TBXAS1: variants seen among roughly 807,000 people sequenced by gnomAD.
TBXAS1 encodes the protein thromboxane-A synthase.
Under a neutral mutation model 60.7 loss-of-function variants are expected in TBXAS1, and 48 were observed. The ratio of observed to expected loss-of-function variants is 0.79; its 90% CI spans 0.63 to 1.01. TBXAS1 has a LOEUF of 1.01. TBXAS1 is among the 50% of genes least tolerant of loss of function. The pLI, the probability that TBXAS1 is intolerant of heterozygous loss-of-function variation, is 0.00. For synonymous variants in TBXAS1, 287 were observed against 269.7 expected (o/e 1.06, Z -0.63); for missense variants, 685 against 686.3 (o/e 1.00, Z 0.02).
At chr7:139,816,180 TG>T (rs1258372015) in intron 4 of TBXAS1, among the ~76,000 whole-genome samples, 1 of 152,208 alleles carries the variant, frequency 6.6e-6, no homozygotes, top group South Asian at 2.1e-4. Flanking sequence ...CTGCCATGAT[TG>T]TAAGTTTCCT....
At chr7:139,957,837 C>T (rs1809998864) in intron 8 of TBXAS1, 73 bp downstream of exon 8, 1 of 1,599,910 alleles carries the variant, frequency 6.3e-7, no homozygotes, top group African/African-American at 1.3e-5. Flanking sequence ...TCTGCTCTTT[C>T]TCTTCCCTCT....
intron 9 of TBXAS1, among the ~76,000 whole-genome samples, chr7:140,006,340 G>A (rs1239540537): frequency 6.6e-6 from 1 of 152,132 alleles, no homozygotes; most frequent in Non-Finnish European, 1.5e-5. Context: ...TGGGGAGCCA[G>A]GGAGTGACAG....
intron 8 of TBXAS1, among the ~76,000 whole-genome samples, 200 bp from the exon 9 acceptor site, chr7:139,961,719 G>T (rs1182117587): frequency 6.6e-6 from 1 of 152,166 alleles, no homozygotes; most frequent in Non-Finnish European, 1.5e-5. Flanking sequence ...CCCAGAACCT[G>T]CCTGACCAGT....
At chr7:139,900,239 T>C (rs1350177545) in intron 3 of TBXAS1, among the ~76,000 whole-genome samples, 2 of 152,168 alleles carry the variant, frequency 1.3e-5, no homozygotes, top group African/African-American at 4.8e-5. Flanking sequence ...ATTATAGGAT[T>C]TACAGTTCCA....
At chr7:139,853,011 GTCTGC>G (rs1800332682) in intron 1 of TBXAS1, among the ~76,000 whole-genome samples, 1 of 149,788 alleles carries the variant, frequency 6.7e-6, no homozygotes, top group South Asian at 2.1e-4. Context: ...GAAGCAACCT[GTCTGC>G]TCTGCACAAG....
chr7:139,845,616 T>C (rs1799746266), intron 1 of TBXAS1, among the ~76,000 whole-genome samples: 1 of 152,092 alleles, frequency 6.6e-6, no homozygotes, highest in Non-Finnish European at 1.5e-5. Context: ...CTCAACACAC[T>C]TCTGTTGAGT....
At chr7:139,949,331 T>C (rs921977461) in intron 5 of TBXAS1, among the ~76,000 whole-genome samples, 4 of 152,258 alleles carry the variant, frequency 2.6e-5, no homozygotes, top group Non-Finnish European at 5.9e-5. Flanking sequence ...TATATGTAGA[T>C]AGATAGACAG....
intron 9 of TBXAS1, among the ~76,000 whole-genome samples, chr7:139,995,416 C>T (rs1813218469): frequency 6.6e-6 from 1 of 152,214 alleles, no homozygotes; most frequent in South Asian, 2.1e-4. Context: ...GGCTCTCCGC[C>T]TTCCCGTCAC....
At chr7:139,829,530 G>T in intron 1 of TBXAS1, 51 bp downstream of exon 1, 2 of 1,561,458 alleles carry the variant, frequency 1.3e-6, no homozygotes, top group East Asian at 2.3e-5. Flanking sequence ...GTCTCACCCT[G>T]GAGCCTTGCT....
chr7:139,805,270 A>G (rs1797819760), intron 4 of TBXAS1, among the ~76,000 whole-genome samples: 1 of 152,272 alleles, frequency 6.6e-6, no homozygotes, highest in Non-Finnish European at 1.5e-5. Flanking sequence ...ATAGATGAGG[A>G]AACTGAGGGC....
At chr7:139,821,052 A>G (rs979717355) in intron 4 of TBXAS1, among the ~76,000 whole-genome samples, 13 of 152,178 alleles carry the variant, frequency 8.5e-5, no homozygotes, top group African/African-American at 3.1e-4. Flanking sequence ...TGAATGGATA[A>G]AAGGAGTAGT....
At chr7:139,820,425 T>C (rs1389388106) in intron 4 of TBXAS1, among the ~76,000 whole-genome samples, 2 of 152,188 alleles carry the variant, frequency 1.3e-5, no homozygotes, top group African/African-American at 4.8e-5. Flanking sequence ...TCATTGCTCA[T>C]CTTCTGCTGA....
At chr7:139,834,098 T>G (rs1798902046) in intron 1 of TBXAS1, among the ~76,000 whole-genome samples, 1 of 152,160 alleles carries the variant, frequency 6.6e-6, no homozygotes, top group Non-Finnish European at 1.5e-5. Context: ...AAATTGAAAT[T>G]GTATCAAGCA....
chr7:139,979,173 G>T (rs1006698576), intron 9 of TBXAS1, among the ~76,000 whole-genome samples: 9 of 152,072 alleles, frequency 5.9e-5, no homozygotes, highest in Admixed American at 5.9e-4. Context: ...TAGGAATTCT[G>T]TTTTCTTACC....
intron 1 of TBXAS1, among the ~76,000 whole-genome samples, chr7:139,849,129 C>T (rs1270807902): frequency 2.0e-5 from 3 of 152,048 alleles, no homozygotes; most frequent in Non-Finnish European, 4.4e-5. Context: ...TTGGGAGGCT[C>T]ACTTTGGGAG....
intron 1 of TBXAS1, among the ~76,000 whole-genome samples, chr7:139,840,001 A>G (rs963345909): frequency 6.6e-6 from 1 of 151,758 alleles, no homozygotes; most frequent in African/African-American, 2.4e-5. Context: ...AAAAAAAAAA[A>G]AGAGATTTCA....
chr7:139,856,922 G>A (rs1800622733), intron 1 of TBXAS1, among the ~76,000 whole-genome samples: 1 of 152,152 alleles, frequency 6.6e-6, no homozygotes, highest in African/African-American at 2.4e-5. Flanking sequence ...CAACACCAAT[G>A]GAGGCTTTGA....
intron 1 of TBXAS1, among the ~76,000 whole-genome samples, chr7:139,862,566 G>T (rs547023530): frequency 1.3e-5 from 2 of 152,174 alleles, no homozygotes; most frequent in Non-Finnish European, 2.9e-5. Context: ...TACTGGGAAG[G>T]AATGAAGAAA....
chr7:139,883,364 T>C (rs892998809), intron 3 of TBXAS1, among the ~76,000 whole-genome samples: 8 of 152,246 alleles, frequency 5.3e-5, no homozygotes, highest in African/African-American at 1.9e-4. Context: ...TTCTGAAGTT[T>C]ACCTAATTTT....
Sources: allele counts gnomAD v4.1 joint callset (sites outside exome capture counted in the v4.1 genomes callset), GRCh38; gene constraint gnomAD v4.1.1; transcripts MANE v1.5; gene names NCBI Gene and HGNC (gene_info 2026-07-23, HGNC 2026-07-21).